Variants in ADRA1B observed in about 807,000 individuals in gnomAD.
ADRA1B encodes the protein adrenoceptor alpha 1B.
A neutral mutation model predicts 17.9 loss-of-function variants in ADRA1B; 17 were observed. That is an observed-to-expected ratio of 0.95 (90% confidence interval 0.65 to 1.42). The LOEUF (loss-of-function observed/expected upper bound fraction) is 1.42. Among genes scored for constraint, ADRA1B ranks in the 40% most tolerant of loss-of-function variants. ADRA1B has a pLI of 0.00. For missense variants in ADRA1B, 681 were observed against 722.1 expected (o/e 0.94, Z 0.65); for synonymous variants, 366 against 327.6 (o/e 1.12, Z -1.27).
intron 1 of ADRA1B, among the ~76,000 whole-genome samples, chr5:159,964,312 C>G (rs1035700483): frequency 6.6e-6 from 1 of 152,226 alleles, no homozygotes; most frequent in Non-Finnish European, 1.5e-5. Flanking sequence ...CACCTCTCAA[C>G]CACTGCTAAT....
At chr5:159,984,914 A>AAAAAG in the ADRA1B span, among the ~76,000 whole-genome samples, 2 of 151,510 alleles carry the variant, frequency 1.3e-5, no homozygotes, top group Middle Eastern at 3.2e-3. Context: ...CAAAAAAAAA[A>AAAAAG]AAAAGAAAAG....
intron 1 of ADRA1B, among the ~76,000 whole-genome samples, chr5:159,921,086 G>T (rs1754466171): frequency 6.6e-6 from 1 of 152,162 alleles, no homozygotes; most frequent in South Asian, 2.1e-4. Flanking sequence ...CCTGTTCAGG[G>T]GCCCCATTTG....
the ADRA1B span, among the ~76,000 whole-genome samples, chr5:159,979,738 C>G: frequency 6.6e-6 from 1 of 152,018 alleles, no homozygotes; most frequent in Non-Finnish European, 1.5e-5. Flanking sequence ...CGTGGTGGCA[C>G]CTGCCTGTAA....
At chr5:159,915,599 G>A (rs1195524431), upstream of ADRA1B, among the ~76,000 whole-genome samples, 3 of 152,046 alleles carry the variant, frequency 2.0e-5, no homozygotes, top group Admixed American at 2.0e-4. Context: ...CCCTTCCCCA[G>A]GTCTCTGACC....
chr5:159,951,389 G>T, intron 1 of ADRA1B: 6 of 902,166 alleles, frequency 6.7e-6, no homozygotes, highest in Non-Finnish European at 7.3e-6. Context: ...TGAGGTCAAT[G>T]AAGGGTCATT....
At chr5:159,870,990 G>A (rs1753731849) in intron 1 of ADRA1B, 1 of 152,208 alleles carries the variant, frequency 6.6e-6, no homozygotes, top group Admixed American at 6.5e-5. Context: ...ACTCACACAT[G>A]TTGTGATGAG....
chr5:159,943,161 G>C (rs531282244), intron 1 of ADRA1B, among the ~76,000 whole-genome samples: 4 of 151,648 alleles, frequency 2.6e-5, no homozygotes, highest in Admixed American at 6.6e-5. Context: ...GCAGTGAGGC[G>C]AGATTGCGCC....
intron 1 of ADRA1B, among the ~76,000 whole-genome samples, chr5:159,886,052 G>GA (rs780018120): frequency 5.9e-5 from 9 of 152,186 alleles, no homozygotes; most frequent in African/African-American, 2.2e-4. Flanking sequence ...CCAGAAAAGG[G>GA]AAAAACTTGC....
At chr5:159,924,763 G>T (rs1030531984) in intron 1 of ADRA1B, among the ~76,000 whole-genome samples, 1 of 152,030 alleles carries the variant, frequency 6.6e-6, no homozygotes, top group African/African-American at 2.4e-5. Context: ...TGTGTGTGTG[G>T]CTAGTAAAAA....
In ADRA1B at chr5:159,917,379, C is replaced by T; in HGVS notation, c.474C>T (p.Thr158=). 6.2e-7 allele frequency: 1 copy of T among 1,614,186 alleles called. No individual in the cohort carries two copies. Among genetic ancestry groups the T allele is most frequent in the Non-Finnish European group, 8.5e-7 (1 of 1,180,034 alleles). ...CTCTGCAGTATCCCACGCTGGTCAC[C>T]CGGAGGAAGGCCATCTTGGCGCTGC... ...RYSLQYPTLV[T]RRKAILALLS... Residue 158 remains threonine, a synonymous_variant, in exon 1 of 2, where the codon ACC becomes ACT. Coordinates refer to ENST00000306675, the MANE Select transcript of ADRA1B (RefSeq NM_000679.4).
At chr5:159,922,913 A>G (rs990817380) in intron 1 of ADRA1B, among the ~76,000 whole-genome samples, 1 of 152,402 alleles carries the variant, frequency 6.6e-6, no homozygotes, top group East Asian at 1.9e-4. Context: ...CATAAACTGC[A>G]ACAAGTGACT....
chr5:159,967,892 C>T (rs1374803471), intron 1 of ADRA1B, among the ~76,000 whole-genome samples: 1 of 152,214 alleles, frequency 6.6e-6, no homozygotes, highest in African/African-American at 2.4e-5. Context: ...TCTAGCCCAT[C>T]ATTGTCCCTG....
intron 1 of ADRA1B, among the ~76,000 whole-genome samples, chr5:159,894,718 G>A (rs1015751300): frequency 2.0e-5 from 3 of 152,188 alleles, no homozygotes; most frequent in African/African-American, 4.8e-5. Context: ...GGTAGGGATA[G>A]AGCAACATCA....
rs559846705 is a variant in ADRA1B at position 159,874,625 on chromosome 5, G to A, written c.-256+9419G>A. On this transcript the variant is annotated intron_variant, in intron 1 of 2. Coordinates refer to the ADRA1B transcript ENST00000641205. ...TGTTCTCTGAAGTCTTGCAACAAAG[G>A]AGCTCTGAAAATTTTTAATTTGATG... Among the ~76,000 whole-genome samples the A allele has an allele frequency of 3.9e-5, 6 of 152,310 alleles. No homozygotes were observed. In the East Asian group the frequency reaches 9.6e-4, roughly 24 times the overall value.
chr5:159,945,810 C>T (rs1421347358), intron 1 of ADRA1B, among the ~76,000 whole-genome samples: 13 of 150,702 alleles, frequency 8.6e-5, no homozygotes, highest in Admixed American at 6.6e-5. Flanking sequence ...TGCAGTGGCG[C>T]GATCTCGGCT....
intron 1 of ADRA1B, among the ~76,000 whole-genome samples, chr5:159,924,276 T>C (rs1290878780): frequency 6.6e-6 from 1 of 152,160 alleles, no homozygotes; most frequent in East Asian, 1.9e-4. Flanking sequence ...CAATAGTGTG[T>C]GAATGTCTCT....
At chr5:159,910,213 T>C (rs1225959794) in intron 1 of ADRA1B, among the ~76,000 whole-genome samples, 1 of 152,190 alleles carries the variant, frequency 6.6e-6, no homozygotes, top group East Asian at 1.9e-4. Context: ...GTTCATTTAA[T>C]TTTCACAACC....
chr5:159,972,306 T>A lies in ADRA1B; in HGVS notation c.1377T>A (p.Pro459=). 1 of 1,428,030 alleles carries A rather than the reference T, an allele frequency of 7.0e-7. No individual in the cohort carries two copies. The highest frequency in any genetic ancestry group is 3.1e-5 in the East Asian group (1 of 32,558). The allele number at this position is 1,428,030 out of a possible 1,614,324, so 88.5% of individuals were successfully genotyped here. The change falls in exon 2 of 2, where the codon CCT becomes CCA. Residue 459 remains proline, a synonymous_variant. Coordinates refer to ENST00000306675, the MANE Select transcript of ADRA1B (RefSeq NM_000679.4). The stretch of plus-strand genomic sequence containing the variant: ...GCGCCCTCCTGAGCCTGCCCGCGCC[T>A]GAGCCCCCCGGCCGCCGCGGCCGCC... ...APGALLSLPA[P]EPPGRRGRHD...
At position 159,884,002 on chromosome 5, in the gene ADRA1B, G is replaced by T. The variant is rs373292604; in HGVS notation, c.-256+18796G>T. Among the ~76,000 whole-genome samples, 8 of 152,302 alleles carry T rather than the reference G, an allele frequency of 5.3e-5. 1 individual carries two copies. The highest frequency in any genetic ancestry group is 3.9e-4 in the East Asian group (2 of 5,178). On this transcript the variant is annotated intron_variant, in intron 1 of 2. Coordinates refer to the ADRA1B transcript ENST00000641205. ...CAGGCCAATTGACCAGTGGATGAGG[G>T]GTTGCCAGTGGTTGAATGAGCTGAC...
Sources: gnomAD v4.1 joint callset for allele counts (sites outside exome capture counted in the v4.1 genomes callset) on GRCh38, gnomAD v4.1.1 for gene constraint, MANE v1.5 for transcripts, NCBI Gene and HGNC (gene_info 2026-07-23, HGNC 2026-07-21) for gene names.